Variants in SPMAP2L observed in about 807,000 individuals in gnomAD.
SPMAP2L encodes sperm microtubule associated protein 2 like.
the SPMAP2L span, among the ~76,000 whole-genome samples, chr4:56,569,788 C>A: frequency 6.6e-5 from 10 of 151,892 alleles, no homozygotes; most frequent in African/African-American, 2.4e-4. Context: ...TAGAGTGAGA[C>A]CCTGTCTCAA....
chr4:56,592,724 G>A, the SPMAP2L span, among the ~76,000 whole-genome samples: 1 of 151,994 alleles, frequency 6.6e-6, no homozygotes, highest in Non-Finnish European at 1.5e-5. Flanking sequence ...CCGCCGCCTG[G>A]CTGGGGGATC....
At chr4:56,547,804 A>G in the SPMAP2L span, among the ~76,000 whole-genome samples, 2 of 152,196 alleles carry the variant, frequency 1.3e-5, no homozygotes, top group Non-Finnish European at 2.9e-5. Flanking sequence ...TATAAGGCCT[A>G]TGGGATCACC....
chr4:56,595,541 G>A, the SPMAP2L span: 11 of 1,465,724 alleles, frequency 7.5e-6, no homozygotes, highest in East Asian at 1.1e-4. Flanking sequence ...CACTGGGACC[G>A]GCCTTATATT....
the SPMAP2L span, among the ~76,000 whole-genome samples, chr4:56,537,187 T>C: frequency 6.6e-6 from 1 of 152,198 alleles, no homozygotes; most frequent in Non-Finnish European, 1.5e-5. Context: ...CTGTTTCTCC[T>C]TCTCAGGCTC....
the SPMAP2L span, chr4:56,548,671 G>C: frequency 1.9e-6 from 1 of 533,214 alleles, no homozygotes; most frequent in East Asian, 3.4e-5. Context: ...TATTTCAGTT[G>C]GCCATTTCCC....
chr4:56,612,611 A>T, the SPMAP2L span, among the ~76,000 whole-genome samples: 1 of 151,332 alleles, frequency 6.6e-6, no homozygotes, highest in Non-Finnish European at 1.5e-5. Flanking sequence ...TCTGTCACCC[A>T]GGCTGGATTG....
the SPMAP2L span, among the ~76,000 whole-genome samples, chr4:56,566,695 C>CTTTTTTTTTTTTT: frequency 4.3e-3 from 397 of 92,396 alleles, no homozygotes; most frequent in Non-Finnish European, 5.6e-3. Flanking sequence ...TTTTCTTTTT[C>CTTTTTTTTTTTTT]TTTTTTTTTT....
At chr4:56,568,205 G>A in the SPMAP2L span, among the ~76,000 whole-genome samples, 1 of 151,946 alleles carries the variant, frequency 6.6e-6, no homozygotes, top group Non-Finnish European at 1.5e-5. Context: ...TTGAAAATAC[G>A]CAATACAGTT....
At chr4:56,586,701 A>G in the SPMAP2L span, among the ~76,000 whole-genome samples, 1 of 152,206 alleles carries the variant, frequency 6.6e-6, no homozygotes. Context: ...GAAGGAATAT[A>G]CTAATATGGA....
chr4:56,600,860 T>C, the SPMAP2L span: 1 of 1,372,156 alleles, frequency 7.3e-7, no homozygotes, highest in South Asian at 1.5e-5. Context: ...GTGACTTAAG[T>C]AGGGATATAG....
the SPMAP2L span, among the ~76,000 whole-genome samples, chr4:56,609,083 T>C: frequency 6.8e-6 from 1 of 146,902 alleles, no homozygotes; most frequent in Non-Finnish European, 1.5e-5. Context: ...AGAGTCTTGC[T>C]CTGTCACCCG....
chr4:56,579,740 G>A, the SPMAP2L span, among the ~76,000 whole-genome samples: 14 of 152,170 alleles, frequency 9.2e-5, no homozygotes, highest in Non-Finnish European at 2.1e-4. Flanking sequence ...CTGCATTCCA[G>A]TCAGGGTGAC....
At chr4:56,572,840 A>G in the SPMAP2L span, among the ~76,000 whole-genome samples, 1 of 152,078 alleles carries the variant, frequency 6.6e-6, no homozygotes, top group African/African-American at 2.4e-5. Flanking sequence ...ACATGGCAAA[A>G]CCCTGTCTAT....
At chr4:56,583,569 G>A in the SPMAP2L span, among the ~76,000 whole-genome samples, 241 of 152,218 alleles carry the variant, frequency 1.6e-3, 7 homozygotes, top group South Asian at 0.038. Flanking sequence ...TATTAGGCTC[G>A]TAGGTTTGTC....
chr4:56,590,368 C>A, the SPMAP2L span, among the ~76,000 whole-genome samples: 1 of 152,128 alleles, frequency 6.6e-6, no homozygotes, highest in Non-Finnish European at 1.5e-5. Flanking sequence ...GTATTAAGTT[C>A]AAAATTATGC....
chr4:56,566,399 A>C, the SPMAP2L span, among the ~76,000 whole-genome samples: 1 of 152,006 alleles, frequency 6.6e-6, no homozygotes, highest in African/African-American at 2.4e-5. Context: ...GGGTTTCACC[A>C]TGTTGGCCAG....
chr4:56,622,928 C>G, the SPMAP2L span, among the ~76,000 whole-genome samples: 1 of 152,074 alleles, frequency 6.6e-6, no homozygotes, highest in Non-Finnish European at 1.5e-5. Flanking sequence ...TTTTCAGGTG[C>G]TAAGATGTTG....
chr4:56,602,292 G>T, the SPMAP2L span, among the ~76,000 whole-genome samples: 1 of 152,076 alleles, frequency 6.6e-6, no homozygotes, highest in Non-Finnish European at 1.5e-5. Context: ...CAGGGAAAAG[G>T]AAATATGCTA....
chr4:56,601,061 A>C, the SPMAP2L span: 8,677 of 1,535,260 alleles, frequency 5.7e-3, 65 homozygotes, highest in South Asian at 0.019. Flanking sequence ...GCTACTACTC[A>C]TTCCAAAGCA....
Sources: gnomAD v4.1 joint callset for allele counts (sites outside exome capture counted in the v4.1 genomes callset) on GRCh38, gnomAD v4.1.1 for gene constraint, MANE v1.5 for transcripts, NCBI Gene and HGNC (gene_info 2026-07-23, HGNC 2026-07-21) for gene names.